Variants in OTOGL observed in about 807,000 individuals in gnomAD.
OTOGL encodes the protein otogelin like, also known as otogelin-like protein.
A neutral mutation model predicts 318.5 loss-of-function variants in OTOGL; 285 were observed. That is an observed-to-expected ratio of 0.89 (90% CI 0.81 to 0.99). The LOEUF is 0.99. Ranked by LOEUF, OTOGL falls within the 50% of genes least tolerant of loss-of-function variation. OTOGL has a pLI of 0.00. For missense variants in OTOGL, 2,899 were observed against 2,845.6 expected, an observed-to-expected ratio of 1.02 and a Z score of -0.43; for synonymous variants, 987 against 936.5, an observed-to-expected ratio of 1.05 and a Z score of -0.99.
intron 35 of OTOGL, among the ~76,000 whole-genome samples, chr12:80,324,704 A>G (rs1887567341): frequency 6.6e-6 from 1 of 152,190 alleles, no homozygotes; most frequent in Admixed American, 6.5e-5. Context: ...GTGGCCCGAG[A>G]GGTTATGAGG....
chr12:80,276,350 C>T (rs950596523), intron 24 of OTOGL, among the ~76,000 whole-genome samples: 1 of 151,652 alleles, frequency 6.6e-6, no homozygotes, highest in Non-Finnish European at 1.5e-5. Context: ...CAGTTAGGGG[C>T]ATAGTTAAAA....
intron 1 of OTOGL, among the ~76,000 whole-genome samples, chr12:80,189,626 G>C (rs1875536422): frequency 6.6e-6 from 1 of 152,220 alleles, no homozygotes; most frequent in Non-Finnish European, 1.5e-5. Context: ...TGTTGGGGCA[G>C]TTTAACACTA....
chr12:80,233,194 A>T, intron 9 of OTOGL, 97 bp downstream of exon 9: 2 of 1,110,830 alleles, frequency 1.8e-6, no homozygotes. Flanking sequence ...TAGCTTTGGG[A>T]AAATTTGTGG....
rs763206718 is a variant in OTOGL, at chr12:80,219,811, C to T, written c.236-3C>T. On this transcript the variant is annotated splice_polypyrimidine_tract_variant and splice_region_variant and intron_variant, in intron 5 of 58. Coordinates refer to ENST00000547103, the MANE Select transcript of OTOGL (RefSeq NM_001378609.3). ...ATAACTTTTTTTTTTTTTTCCCCCT[C>T]AGGTTCTTGTCCTTATGAATGCCTT... The T allele has an allele frequency of 1.4e-5, 21 of 1,533,396 alleles. No individual in the cohort carries two copies. In the African/African-American group the frequency reaches 2.6e-4, roughly 19 times the overall value. 95.0% of individuals were successfully genotyped at this position (1,533,396 alleles called of 1,614,324 possible).
At chr12:80,313,703 C>T (rs988933039) in intron 31 of OTOGL, 71 bp downstream of exon 31, 6 of 1,310,230 alleles carry the variant, frequency 4.6e-6, no homozygotes, top group Non-Finnish European at 6.1e-6. Flanking sequence ...GTTGATTTAG[C>T]TTAGAAATAA....
chr12:80,172,437 TA>T (rs1354658769), intron 1 of OTOGL, among the ~76,000 whole-genome samples: 1 of 152,196 alleles, frequency 6.6e-6, no homozygotes, highest in Non-Finnish European at 1.5e-5. Flanking sequence ...TTATATTTTG[TA>T]AATCACATGA....
chr12:80,208,291 G>A, intron 1 of OTOGL: 1 of 490,520 alleles, frequency 2.0e-6, no homozygotes, highest in South Asian at 1.5e-5. Context: ...AATGAATGTT[G>A]GACCATGTAA....
intron 11 of OTOGL, among the ~76,000 whole-genome samples, chr12:80,243,706 TTC>T (rs1352043789): frequency 6.6e-6 from 1 of 150,950 alleles, no homozygotes; most frequent in Non-Finnish European, 1.5e-5. Context: ...AAAGGAAAGT[TTC>T]TACACCTAAT....
At position 80,358,268 on chromosome 12, in the gene OTOGL, C is replaced by A. The variant is rs1320155651; in HGVS notation, c.6040C>A (p.Pro2014Thr). The A allele has an allele frequency of 6.2e-7, 1 of 1,611,452 alleles. No individual in the cohort carries two copies. Among genetic ancestry groups the A allele is most frequent in the South Asian group, 1.1e-5 (1 of 90,700 alleles). Residue 2014 changes from proline to threonine, a missense_variant, in exon 50 of 59, where the codon CCT (proline) becomes ACT (threonine). Pro to Thr is a conservative substitution (Grantham distance 38). This residue lies in a region of OTOGL where 2,607 missense variants were observed against 2,524.9 expected (regional missense o/e 1.03). Transcript: ENST00000547103. ...PFCVCESCTK[P>T]VPLCHDGEFL... ...CTTAGTTTGTGAATCTTGCACCAAACCTGTTCCACTATGTCATGATGGGGA... is the reference window on the plus strand; with the variant it reads ...CTTAGTTTGTGAATCTTGCACCAAAACTGTTCCACTATGTCATGATGGGGA...
At chr12:80,200,812 C>A (rs1876401952) in intron 1 of OTOGL, among the ~76,000 whole-genome samples, 2 of 152,016 alleles carry the variant, frequency 1.3e-5, no homozygotes. Flanking sequence ...GTCATGCCCT[C>A]AAAAATTCAT....
intron 27 of OTOGL, among the ~76,000 whole-genome samples, chr12:80,301,507 A>G (rs1885759191): frequency 6.6e-6 from 1 of 152,224 alleles, no homozygotes; most frequent in Non-Finnish European, 1.5e-5. Context: ...CATGTAATTC[A>G]TGCTCTAGCC....
intron 1 of OTOGL, among the ~76,000 whole-genome samples, chr12:80,149,705 C>G (rs1872650025): frequency 6.6e-6 from 1 of 152,190 alleles, no homozygotes; most frequent in African/African-American, 2.4e-5. Flanking sequence ...GACTGCTGTG[C>G]TAGCAATCAT....
At chr12:80,281,942 G>T (rs1213843036) in intron 26 of OTOGL, among the ~76,000 whole-genome samples, 6 of 151,552 alleles carry the variant, frequency 4.0e-5, no homozygotes, top group Non-Finnish European at 5.9e-5. Context: ...ACCATAATTG[G>T]GTTATACATT....
At chr12:80,224,745 C>T (rs1180919629) in intron 7 of OTOGL, among the ~76,000 whole-genome samples, 1 of 152,042 alleles carries the variant, frequency 6.6e-6, no homozygotes, top group African/African-American at 2.4e-5. Context: ...AGTAGGGCTA[C>T]TGATTTGTGT....
chr12:80,102,792 C>A (rs1338682672), intron 1 of OTOGL: 2 of 618,204 alleles, frequency 3.2e-6, no homozygotes, highest in Non-Finnish European at 5.7e-6. Context: ...GACTAGTTTC[C>A]CAGAGTTGTC....
At chr12:80,170,229 G>GTA (rs1565886762) in intron 1 of OTOGL, among the ~76,000 whole-genome samples, 1 of 149,954 alleles carries the variant, frequency 6.7e-6, no homozygotes, top group East Asian at 2.0e-4. Context: ...ATGTGTGTGT[G>GTA]TGTATGTATG....
intron 27 of OTOGL, among the ~76,000 whole-genome samples, chr12:80,298,604 C>T (rs932144856): frequency 1.3e-5 from 2 of 152,090 alleles, no homozygotes; most frequent in African/African-American, 4.8e-5. Context: ...TAGGCATTAG[C>T]CAGGTGAAGA....
chr12:80,212,953 C>T (rs1877385605), intron 4 of OTOGL, among the ~76,000 whole-genome samples: 3 of 152,024 alleles, frequency 2.0e-5, no homozygotes, highest in African/African-American at 7.2e-5. Flanking sequence ...TGACCCAGAT[C>T]CCAAGAGAGG....
intron 27 of OTOGL, among the ~76,000 whole-genome samples, chr12:80,297,943 T>C (rs1231308459): frequency 6.6e-6 from 1 of 152,232 alleles, no homozygotes; most frequent in Non-Finnish European, 1.5e-5. Flanking sequence ...AGAATGTGTA[T>C]CAAAGTTTAA....
Sources: gnomAD v4.1 joint callset for allele counts (sites outside exome capture counted in the v4.1 genomes callset) on GRCh38, gnomAD v4.1.1 for gene constraint, gnomAD v4.1.1 regional missense constraint, MANE v1.5 for transcripts, NCBI Gene and HGNC (gene_info 2026-07-23, HGNC 2026-07-21) for gene names.